Variants in WASL observed in about 807,000 individuals in gnomAD.
The protein encoded by WASL is WASP like actin nucleation promoting factor.
Under a neutral mutation model 55.5 loss-of-function variants are expected in WASL, and 20 were observed. The observed-to-expected ratio is 0.36, with a 90% CI of 0.25 to 0.52. The LOEUF (loss-of-function observed/expected upper bound fraction) is 0.52, where lower values mean the gene tolerates loss of function less well. Among genes scored for constraint, WASL ranks in the 20% least tolerant of loss-of-function variants. The pLI, the probability that WASL is intolerant of heterozygous loss-of-function variation, is 0.92. For missense variants in WASL, 504 were observed against 622.5 expected (o/e 0.81, Z 2.03); for synonymous variants, 249 against 217.6 (o/e 1.14, Z -1.27).
chr7:123,706,666 C>T, intron 3 of WASL, 74 bp downstream of exon 3: 1 of 1,112,012 alleles, frequency 9.0e-7, no homozygotes, highest in East Asian at 2.5e-5. Flanking sequence ...CAATAAGGTT[C>T]TATAAATAAT....
At chr7:123,697,787 T>A (rs1181035910) in intron 5 of WASL, among the ~76,000 whole-genome samples, 2 of 152,212 alleles carry the variant, frequency 1.3e-5, no homozygotes, top group East Asian at 1.9e-4. Context: ...GTTCCCACTA[T>A]TCCCTGACAA....
intron 9 of WASL, among the ~76,000 whole-genome samples, chr7:123,689,367 G>A (rs1364795787): frequency 6.6e-6 from 1 of 152,080 alleles, no homozygotes; most frequent in African/African-American, 2.4e-5. Context: ...TAATGTATAA[G>A]CCAAAAATAC....
At chr7:123,712,423 A>C (rs1429835704) in intron 1 of WASL, among the ~76,000 whole-genome samples, 1 of 152,160 alleles carries the variant, frequency 6.6e-6, no homozygotes, top group African/African-American at 2.4e-5. Flanking sequence ...AATGACTCTG[A>C]TTTTAGGATA....
At chr7:123,703,041 A>ACT (rs1312262492) in intron 5 of WASL, among the ~76,000 whole-genome samples, 9 of 152,214 alleles carry the variant, frequency 5.9e-5, no homozygotes, top group African/African-American at 2.2e-4. Context: ...AGGTTGAAAT[A>ACT]CTAGGCTTAT....
chr7:123,692,243 A>G, intron 9 of WASL, 104 bp downstream of exon 9: 1 of 1,412,694 alleles, frequency 7.1e-7, no homozygotes, highest in Non-Finnish European at 9.4e-7. Context: ...ATGAATTAGC[A>G]AGAGGAAAAA....
At chr7:123,720,201 A>G in intron 1 of WASL, 1 of 392,528 alleles carries the variant, frequency 2.5e-6, no homozygotes, top group South Asian at 1.9e-5. Context: ...GACTTCTATC[A>G]AAACCATTAT....
intron 5 of WASL, among the ~76,000 whole-genome samples, chr7:123,697,757 G>A (rs547045068): frequency 6.6e-6 from 1 of 152,206 alleles, no homozygotes; most frequent in Non-Finnish European, 1.5e-5. Context: ...TGACCACTTG[G>A]GAAGTTGGAT....
chr7:123,691,138 T>G (rs1803401746), intron 9 of WASL, among the ~76,000 whole-genome samples: 1 of 152,202 alleles, frequency 6.6e-6, no homozygotes, highest in Non-Finnish European at 1.5e-5. Context: ...TCTATTACCC[T>G]CCTTTTAGAC....
At chr7:123,723,152 A>G (rs1045760731) in intron 1 of WASL, among the ~76,000 whole-genome samples, 1 of 152,232 alleles carries the variant, frequency 6.6e-6, no homozygotes, top group African/African-American at 2.4e-5. Context: ...CTGGCATTGT[A>G]TGCATTATTA....
intron 1 of WASL, among the ~76,000 whole-genome samples, chr7:123,724,035 T>C (rs972932999): frequency 6.6e-6 from 1 of 152,226 alleles, no homozygotes; most frequent in Non-Finnish European, 1.5e-5. Context: ...CTCAAATTTA[T>C]ACCTTGCTTT....
intron 1 of WASL, among the ~76,000 whole-genome samples, chr7:123,730,301 T>C (rs936371501): frequency 6.6e-6 from 1 of 152,094 alleles, no homozygotes; most frequent in Admixed American, 6.6e-5. Context: ...TGGTGAATAA[T>C]TTTTTTCTTT....
At chr7:123,724,022 G>A (rs1461444497) in intron 1 of WASL, among the ~76,000 whole-genome samples, 1 of 152,124 alleles carries the variant, frequency 6.6e-6, no homozygotes, top group Non-Finnish European at 1.5e-5. Context: ...ATATAAGCGA[G>A]ATCTCAAATT....
At chr7:123,722,173 A>G (rs1014325581) in intron 1 of WASL, among the ~76,000 whole-genome samples, 2 of 152,190 alleles carry the variant, frequency 1.3e-5, no homozygotes, top group African/African-American at 2.4e-5. Flanking sequence ...CAAGTGCGCA[A>G]TAATCACAGA....
Position 123,733,362 on chromosome 7 carries a change from A to T in WASL, c.117+15256T>A, listed in dbSNP as rs566356409. Among the ~76,000 whole-genome samples the T allele has an allele frequency of 1.3e-3, 198 of 152,310 alleles. 6 individuals carry two copies. The South Asian group carries it at 0.04, about 31-fold the overall frequency. ...AAAGTCAACTGCTTTCCTGTGTACC[A>T]GGAATGACCAATTAACACCTGAAAT... On this transcript the variant is annotated intron_variant, in intron 1 of 10. Coordinates refer to ENST00000223023, the MANE Select transcript of WASL (RefSeq NM_003941.4).
rs949003517 is a variant in WASL at position 123,683,213 on chromosome 7, T to C, written c.*1306A>G. The C allele has an allele frequency of 1.7e-4, 26 of 152,116 alleles. No homozygotes were observed. The highest frequency in any genetic ancestry group is 6.0e-4 in the African/African-American group (25 of 41,432). The allele number at this position is 152,116 out of a possible 1,614,324, so 9.4% of individuals were successfully genotyped here. On this transcript the variant is annotated 3_prime_UTR_variant, in exon 11 of 11. Transcript: ENST00000223023. ...TGTTTGTATTTAAATCAGATAATTT[T>C]CTACCTAAAATTTAAAGTAGGTAGG... is the stretch of plus-strand genomic sequence containing the variant.
chr7:123,741,515 A>G (rs907268177), intron 1 of WASL, among the ~76,000 whole-genome samples: 29 of 152,198 alleles, frequency 1.9e-4, no homozygotes, highest in Admixed American at 7.9e-4. Context: ...GAACCTTTAG[A>G]GTAAGAGTGA....
At chr7:123,708,052 G>A (rs1803700323) in intron 2 of WASL, among the ~76,000 whole-genome samples, 1 of 152,052 alleles carries the variant, frequency 6.6e-6, no homozygotes, top group Non-Finnish European at 1.5e-5. Flanking sequence ...CAGGTGTGGT[G>A]GCATGCACCT....
In WASL at chr7:123,684,601, T is replaced by A. The variant is rs370450190; in HGVS notation, c.1457-21A>T. On this transcript the variant is annotated intron_variant, in intron 10 of 10. Transcript: ENST00000223023. ...TTCATCTACAAGAAAATCAAGACAATTAAAACATATGCATAAATAAAATGA... is the reference window on the plus strand; with the variant it reads ...TTCATCTACAAGAAAATCAAGACAAATAAAACATATGCATAAATAAAATGA... 5 of 1,496,164 alleles carry A rather than the reference T, an allele frequency of 3.3e-6. No individual in the cohort carries two copies. The African/African-American group carries it at 5.7e-5, about 17-fold the overall frequency. 92.7% of individuals were successfully genotyped at this position (1,496,164 alleles called of 1,614,324 possible).
chr7:123,704,484 C>A (rs1297118906), intron 5 of WASL, 150 bp downstream of exon 5: 2 of 539,350 alleles, frequency 3.7e-6, no homozygotes. Flanking sequence ...ATCATAGATA[C>A]TAAACATTAC....
Sources: allele counts gnomAD v4.1 joint callset (sites outside exome capture counted in the v4.1 genomes callset), GRCh38; gene constraint gnomAD v4.1.1; transcripts MANE v1.5; gene names NCBI Gene and HGNC (gene_info 2026-07-23, HGNC 2026-07-21).